Variants in PRKN observed in about 807,000 individuals in gnomAD.
The protein encoded by PRKN is E3 ubiquitin-protein ligase parkin.
Under a neutral mutation model 59.5 loss-of-function variants are expected in PRKN, and 56 were observed. The observed-to-expected ratio is 0.94, with a 90% CI of 0.76 to 1.18. PRKN has a LOEUF of 1.18. PRKN is among the 50% of genes most tolerant of loss of function. PRKN has a pLI of 0.00. For missense variants in PRKN, 657 were observed against 596.4 expected, an observed-to-expected ratio of 1.10 and a Z score of -1.06; for synonymous variants, 250 against 222.1, an observed-to-expected ratio of 1.13 and a Z score of -1.12.
intron 6 of PRKN, among the ~76,000 whole-genome samples, chr6:161,896,404 G>A (rs1217200958): frequency 1.3e-5 from 2 of 152,160 alleles, no homozygotes; most frequent in African/African-American, 2.4e-5. Flanking sequence ...CAGAGGCCAT[G>A]TGTCTATCTC....
intron 6 of PRKN, among the ~76,000 whole-genome samples, chr6:161,903,740 G>C (rs1217133050): frequency 6.6e-6 from 1 of 151,762 alleles, no homozygotes; most frequent in East Asian, 1.9e-4. Flanking sequence ...TATGAGGAAA[G>C]AGATAAAGAA....
rs1060502319 is a variant in PRKN at position 162,201,222 on chromosome 6, A to T, written c.443T>A (p.Val148Glu). The T allele has an allele frequency of 6.2e-7, 1 of 1,613,928 alleles. No individual in the cohort carries two copies. The highest frequency in any genetic ancestry group is 1.3e-5 in the African/African-American group (1 of 75,030). Reference protein sequence around the residue: ...AGRSIYNSFYVYCKGPCQRVQ... With the variant: ...AGRSIYNSFYEYCKGPCQRVQ... ...TCTTTGACAGGGGCCTTTGCAATACACATAAAAGCTGTTGTAGATTGATCT... is the reference window on the plus strand; with the variant it reads ...TCTTTGACAGGGGCCTTTGCAATACTCATAAAAGCTGTTGTAGATTGATCT... Residue 148 changes from valine (V) to glutamate (E), a missense_variant, in exon 4 of 12, where the codon GTG becomes GAG. Val to Glu is a moderately radical substitution (Grantham distance 121). Coordinates refer to ENST00000366898, the MANE Select transcript of PRKN (RefSeq NM_004562.3).
At position 161,593,191 on chromosome 6, in the gene PRKN, T is replaced by C. The variant is rs967197295; in HGVS notation, c.872-23775A>G. Among the ~76,000 whole-genome samples the C allele has an allele frequency of 5.3e-5, 8 of 152,184 alleles. No homozygotes were observed. Among genetic ancestry groups the C allele is most frequent in the Admixed American group, 5.2e-4 (8 of 15,286 alleles). On this transcript the variant is annotated intron_variant, in intron 7 of 11. Transcript: ENST00000366898. This position sits in a 1 kb window ranked among gnomAD's most constrained non-coding sequence, Gnocchi z 4.8. ...ACGAACTAATAATAACGACAATCAT[T>C]ATGAACTAATAACATCGCATGTCAA...
At chr6:161,630,303 C>G (rs1417329700) in intron 7 of PRKN, among the ~76,000 whole-genome samples, 1 of 152,072 alleles carries the variant, frequency 6.6e-6, no homozygotes, top group Non-Finnish European at 1.5e-5. Context: ...GAAAACGTGG[C>G]CAATCAGCGC....
intron 4 of PRKN, among the ~76,000 whole-genome samples, chr6:162,128,515 C>A (rs1217667738): frequency 6.6e-6 from 1 of 152,034 alleles, no homozygotes; most frequent in East Asian, 1.9e-4. Flanking sequence ...GCCATAGCAC[C>A]AGCCGACTGT....
intron 7 of PRKN, among the ~76,000 whole-genome samples, chr6:161,748,327 T>C (rs1367236056): frequency 6.6e-6 from 1 of 152,114 alleles, no homozygotes; most frequent in Non-Finnish European, 1.5e-5. Flanking sequence ...TTTCTCCTTT[T>C]TGCTGATCCC....
chr6:161,679,817 C>T (rs1320162184), intron 7 of PRKN, among the ~76,000 whole-genome samples: 1 of 129,662 alleles, frequency 7.7e-6, no homozygotes, highest in Non-Finnish European at 1.5e-5. Flanking sequence ...TGCAGTGGCA[C>T]GATCTCAGCT....
intron 1 of PRKN, among the ~76,000 whole-genome samples, chr6:162,452,216 T>G (rs1473696703): frequency 6.6e-6 from 1 of 152,158 alleles, no homozygotes; most frequent in African/African-American, 2.4e-5. Flanking sequence ...TAAGATAATT[T>G]ATCACAAGCA....
At chr6:162,269,744 G>C (rs925267093) in intron 2 of PRKN, 1 of 152,156 alleles carries the variant, frequency 6.6e-6, no homozygotes, top group African/African-American at 2.4e-5. Flanking sequence ...TCATTTCAGT[G>C]TATGGCCAAC....
intron 7 of PRKN, among the ~76,000 whole-genome samples, chr6:161,623,348 T>A (rs1052483237): frequency 6.6e-6 from 1 of 152,220 alleles, no homozygotes. Flanking sequence ...ATAAGTCTTG[T>A]AAGTGAATGC....
In PRKN at chr6:161,348,629, C is replaced by T. The variant is rs886061231; in HGVS notation, c.*1470G>A. On this transcript the variant is annotated 3_prime_UTR_variant, in exon 12 of 12. Coordinates refer to ENST00000366898, the MANE Select transcript of PRKN (RefSeq NM_004562.3). This position sits in a 1 kb window ranked among gnomAD's most constrained non-coding sequence, Gnocchi z 4.9. ...CTTGAGTTCATCCCCTCTCTTCCCT[C>T]CAGCAAGGATTTCAGTGCTACATCT... 25 of 209,492 alleles carry T rather than the reference C, an allele frequency of 1.2e-4. No individual in the cohort carries two copies. The highest frequency in any genetic ancestry group is 5.5e-4 in the African/African-American group (24 of 43,864). 13.0% of individuals were successfully genotyped at this position (209,492 alleles called of 1,614,324 possible). A position where few individuals can be genotyped will look rare whatever the true frequency, so the allele number is the denominator to read the frequency against.
intron 2 of PRKN, among the ~76,000 whole-genome samples, chr6:162,390,544 T>C (rs1787129007): frequency 6.6e-6 from 1 of 151,570 alleles, no homozygotes. Context: ...CGGGTTCAAG[T>C]GATTCTCCTG....
At chr6:161,627,690 G>T (rs532381470) in intron 7 of PRKN, among the ~76,000 whole-genome samples, 1 of 152,330 alleles carries the variant, frequency 6.6e-6, no homozygotes, top group East Asian at 1.9e-4. Context: ...CCCCAATTCA[G>T]GGAGCAAATG....
At chr6:162,567,175 G>A (rs62430885) in intron 1 of PRKN, among the ~76,000 whole-genome samples, 2 of 73,906 alleles carry the variant, frequency 2.7e-5, no homozygotes, top group Non-Finnish European at 6.8e-5. Flanking sequence ...ACTACATGGG[G>A]AAAAACTGAA....
At chr6:161,853,809 C>G (rs1030814794) in intron 6 of PRKN, among the ~76,000 whole-genome samples, 3 of 152,164 alleles carry the variant, frequency 2.0e-5, no homozygotes, top group Admixed American at 2.0e-4. Context: ...AAAAGACAGG[C>G]TTTTATCCCC....
chr6:162,149,121 T>C (rs771054196), intron 4 of PRKN, among the ~76,000 whole-genome samples: 4 of 152,178 alleles, frequency 2.6e-5, no homozygotes, highest in Non-Finnish European at 4.4e-5. Context: ...AGTAGGACAA[T>C]TCATTGTTAC....
At chr6:161,884,815 G>A (rs1434560381) in intron 6 of PRKN, among the ~76,000 whole-genome samples, 2 of 151,862 alleles carry the variant, frequency 1.3e-5, no homozygotes, top group Non-Finnish European at 2.9e-5. Flanking sequence ...TCTACACAAA[G>A]GGTCAGCAAA....
chr6:162,412,310 T>C (rs1264660389), intron 2 of PRKN, among the ~76,000 whole-genome samples: 1 of 152,030 alleles, frequency 6.6e-6, no homozygotes, highest in Non-Finnish European at 1.5e-5. Flanking sequence ...CAAGGCTCAA[T>C]CTAGAAGGTG....
chr6:161,978,016 G>GTATTGTATTT (rs1195203435), intron 5 of PRKN, among the ~76,000 whole-genome samples: 1 of 148,484 alleles, frequency 6.7e-6, no homozygotes, highest in African/African-American at 2.6e-5. Flanking sequence ...TTATTTTATT[G>GTATTGTATTT]TATTTTATTT....
Sources: allele counts gnomAD v4.1 joint callset (sites outside exome capture counted in the v4.1 genomes callset), GRCh38; gene constraint gnomAD v4.1.1; non-coding constraint Gnocchi (gnomAD v3.1); transcripts MANE v1.5; gene names NCBI Gene and HGNC (gene_info 2026-07-23, HGNC 2026-07-21).